Variants in ASGR2 observed in about 807,000 individuals in gnomAD.
ASGR2 encodes the protein C-type lectin domain family 4 member H2.
Under a neutral mutation model 32.3 loss-of-function variants are expected in ASGR2, and 34 were observed. That is an observed-to-expected ratio of 1.05 (90% CI 0.80 to 1.40). The LOEUF is 1.40. ASGR2 is among the 40% of genes most tolerant of loss of function. The pLI is 0.00. For synonymous variants in ASGR2, 143 were observed against 150.0 expected (o/e 0.95, Z 0.34); for missense variants, 385 against 386.4 (o/e 1.00, Z 0.03).
rs992442772 is a variant in ASGR2 at position 7,107,207 on chromosome 17, G to T, written c.496+24C>A. On this transcript the variant is annotated intron_variant, in intron 6 of 8. Transcript: ENST00000691900. This position sits in a 1 kb window ranked among gnomAD's most constrained non-coding sequence, Gnocchi z 5.0. ...CCAGCCGGAGGGGCAGGCACACTGG[G>T]CCTGGAGACGGCCCCACCCCTACCG... 14 of 1,614,058 alleles carry T rather than the reference G, an allele frequency of 8.7e-6. No homozygotes were observed. The highest frequency in any genetic ancestry group is 1.2e-5 in the Non-Finnish European group (14 of 1,180,040).
rs796687587 is a variant in ASGR2, at chr17:7,113,484, ACAC to A, written c.124+630_124+632del. ...ATACATACACTCACACAATACACAC[ACAC>A]AACACACACACAACATACACAACGT... On this transcript the variant is annotated intron_variant, in intron 2 of 8. Transcript: ENST00000691900. The surrounding 1 kb of genome is among the most constrained non-coding windows in gnomAD (Gnocchi z 5.1). Among the ~76,000 whole-genome samples, 6 of 151,118 alleles carry A rather than the reference ACAC, an allele frequency of 4.0e-5. No individual in the cohort carries two copies. The highest frequency in any genetic ancestry group is 1.2e-4 in the African/African-American group (5 of 41,124).
chr17:7,104,930 C>A (rs956428944), intron 7 of ASGR2, among the ~76,000 whole-genome samples: 1 of 150,548 alleles, frequency 6.6e-6, no homozygotes, highest in South Asian at 2.1e-4. Context: ...GAGCCAAGAT[C>A]GCGCCATTGC....
rs1350023182 is a variant in ASGR2, at chr17:7,114,206, C to T, written c.35G>A (p.Ser12Asn). Residue 12 changes from serine to asparagine, a missense_variant, in exon 2 of 9, where the codon AGC becomes AAC. Transcript: ENST00000691900. This position sits in a 1 kb window ranked among gnomAD's most constrained non-coding sequence, Gnocchi z 4.5. ...AKDFQDIQQL[S>N]SEENDHPFHQ... ...GAAAGGATGGTCATTTTCCTCCGAG[C>T]TCAGCTGCTGGATATCTTGAAAGTC... The T allele has an allele frequency of 1.9e-6, 3 of 1,614,192 alleles. No homozygotes were observed. The highest frequency in any genetic ancestry group is 1.7e-4 in the Middle Eastern group (1 of 6,056).
Position 7,114,339 on chromosome 17 carries a change from G to A in ASGR2, c.-70-29C>T. The A allele has an allele frequency of 2.7e-6, 4 of 1,508,532 alleles. No individual in the cohort carries two copies. The highest frequency in any genetic ancestry group is 3.5e-6 in the Non-Finnish European group (4 of 1,130,824). 93.4% of individuals were successfully genotyped at this position (1,508,532 alleles called of 1,614,324 possible). ...GGGCAGAGGTGCAGATTCACGTGGA[G>A]GTTGATGGTGGGATGGAACGCAGGG... On this transcript the variant is annotated intron_variant, in intron 1 of 8. Coordinates refer to ENST00000691900, the MANE Select transcript of ASGR2 (RefSeq NM_001201352.2). This position sits in a 1 kb window ranked among gnomAD's most constrained non-coding sequence, Gnocchi z 4.5.
In ASGR2 at chr17:7,114,086, G is replaced by C; in HGVS notation, c.124+31C>G. ...GAGCAATCATGAGCTGAGACAGAGG[G>C]GGAGCAAAGCCGCAGAAACTGCACA... On this transcript the variant is annotated intron_variant, in intron 2 of 8. Transcript: ENST00000691900. The surrounding 1 kb of genome is among the most constrained non-coding windows in gnomAD (Gnocchi z 4.5). 1 of 1,613,404 alleles carries C rather than the reference G, an allele frequency of 6.2e-7. No homozygotes were observed.
In ASGR2 at chr17:7,114,266, C is replaced by A; in HGVS notation, c.-26G>T. ...GATGGGGCCCGGGCTGGAGCTGGAG[C>A]TGGAGCTGGGCTGGGCTGGGCTGAG... is the stretch of plus-strand genomic sequence containing the variant. On this transcript the variant is annotated 5_prime_UTR_variant, in exon 2 of 9. Coordinates refer to ENST00000691900, the MANE Select transcript of ASGR2 (RefSeq NM_001201352.2). This position sits in a 1 kb window ranked among gnomAD's most constrained non-coding sequence, Gnocchi z 4.5. 1.3e-6 allele frequency: 2 copies of A among 1,585,488 alleles called. No homozygotes were observed. Among genetic ancestry groups the A allele is most frequent in the Non-Finnish European group, 1.7e-6 (2 of 1,162,050 alleles).
At position 7,107,725 on chromosome 17, in the gene ASGR2, ACACG is replaced by A. The variant is rs747986102; in HGVS notation, c.409+107_409+110del. ...CAGATACACATGCTTGCAGGCACAC[ACACG>A]CACGCACGCACACGTGCACACTACA... On this transcript the variant is annotated intron_variant, in intron 5 of 8. Transcript: ENST00000691900. This position sits in a 1 kb window ranked among gnomAD's most constrained non-coding sequence, Gnocchi z 5.0. 8.4e-5 allele frequency: 106 copies of A among 1,256,522 alleles called. No homozygotes were observed. The highest frequency in any genetic ancestry group is 3.7e-4 in the Middle Eastern group (2 of 5,354). 77.8% of individuals were successfully genotyped at this position (1,256,522 alleles called of 1,614,324 possible).
Position 7,101,718 on chromosome 17 carries a change from C to G in ASGR2, c.778G>C (p.Asp260His), listed in dbSNP as rs1395608182. Residue 260 changes from aspartate (D) to histidine (H), a missense_variant, in exon 9 of 9, where the codon GAT becomes CAT. Transcript: ENST00000691900. Reference protein sequence around the residue: ...NYKNWAVTQPDNWHGHELGGS... With the variant: ...NYKNWAVTQPHNWHGHELGGS... ...CCCAGCTCGTGCCCGTGCCAATTAT[C>G]TGGCTGAGTGACAGCCCAGTTCCTA... The G allele has an allele frequency of 1.9e-6, 3 of 1,614,028 alleles. No homozygotes were observed. Among genetic ancestry groups the G allele is most frequent in the Non-Finnish European group, 2.5e-6 (3 of 1,180,034 alleles).
chr17:7,113,994 G>A lies in ASGR2; in HGVS notation c.124+123C>T, dbSNP rs1915142432. 3 of 1,419,926 alleles carry A rather than the reference G, an allele frequency of 2.1e-6. No homozygotes were observed. The highest frequency in any genetic ancestry group is 2.9e-6 in the Non-Finnish European group (3 of 1,048,310). 88.0% of individuals were successfully genotyped at this position (1,419,926 alleles called of 1,614,324 possible). A position where few individuals can be genotyped will look rare whatever the true frequency, so the allele number is the denominator to read the frequency against. The stretch of plus-strand genomic sequence containing the variant: ...ACAGGAAGGTGAGGTGAGGGAACAA[G>A]CGGGGGTGTCGGGCCCTCCTCAGTC... On this transcript the variant is annotated intron_variant, in intron 2 of 8. Transcript: ENST00000691900. The surrounding 1 kb of genome is among the most constrained non-coding windows in gnomAD (Gnocchi z 5.1).
intron 2 of ASGR2, among the ~76,000 whole-genome samples, chr17:7,110,566 C>T (rs1597391027): frequency 6.6e-6 from 1 of 152,260 alleles, no homozygotes; most frequent in African/African-American, 2.4e-5. Flanking sequence ...GCTCTGAGAT[C>T]ATGCACCAGC....
chr17:7,106,156 T>C (rs1197035780), intron 7 of ASGR2, among the ~76,000 whole-genome samples: 1 of 152,096 alleles, frequency 6.6e-6, no homozygotes, highest in African/African-American at 2.4e-5. Flanking sequence ...GAGATTGCAA[T>C]GTACAGTCAA....
Position 7,108,859 on chromosome 17 carries a change from G to A in ASGR2, c.154C>T (p.Arg52Cys), listed in dbSNP as rs775565123. ...CTGAAGCAGACCATGGAGCAGAGAC[G>A]CTGTGCCAGGGGCTGGGCAGGAGGT... ...GPPPAQPLAQ[R>C]LCSMVCFSLL... Residue 52 changes from arginine to cysteine, a missense_variant, in exon 3 of 9, where the codon CGT (arginine) becomes TGT (cysteine). By Grantham distance (180) the Arg-to-Cys change is radical. Coordinates refer to ENST00000691900, the MANE Select transcript of ASGR2 (RefSeq NM_001201352.2). This position sits in a 1 kb window ranked among gnomAD's most constrained non-coding sequence, Gnocchi z 4.9. 6.4e-5 allele frequency: 103 copies of A among 1,603,282 alleles called. No homozygotes were observed. Among genetic ancestry groups the A allele is most frequent in the Non-Finnish European group, 8.2e-5 (96 of 1,175,382 alleles).
At chr17:7,115,119 C>A, upstream of ASGR2, 1 of 662,162 alleles carries the variant, frequency 1.5e-6, no homozygotes, top group African/African-American at 2.0e-5. This position sits in a 1 kb window ranked among gnomAD's most constrained non-coding sequence, Gnocchi z 4.2. Context: ...TACTCTTGCC[C>A]AATCCGGCAT....
rs1003916414 is a variant in ASGR2 at position 7,107,733 on chromosome 17, G to A, written c.409+103C>T. 14 of 814,512 alleles carry A rather than the reference G, an allele frequency of 1.7e-5. No homozygotes were observed. Among genetic ancestry groups the A allele is most frequent in the South Asian group, 4.6e-5 (2 of 43,398 alleles). 50.5% of individuals were successfully genotyped at this position (814,512 alleles called of 1,614,324 possible). A position where few individuals can be genotyped will look rare whatever the true frequency, so the allele number is the denominator to read the frequency against. ...CATGCTTGCAGGCACACACACGCAC[G>A]CACGCACACGTGCACACTACACACA... is the stretch of plus-strand genomic sequence containing the variant. On this transcript the variant is annotated intron_variant, in intron 5 of 8. Coordinates refer to ENST00000691900, the MANE Select transcript of ASGR2 (RefSeq NM_001201352.2). The surrounding 1 kb of genome is among the most constrained non-coding windows in gnomAD (Gnocchi z 5.0).
intron 7 of ASGR2, among the ~76,000 whole-genome samples, chr17:7,104,845 G>T (rs370021313): frequency 6.6e-6 from 1 of 151,068 alleles, no homozygotes; most frequent in African/African-American, 2.4e-5. Context: ...GCACGATGGC[G>T]GGTGCCTGTA....
At position 7,107,616 on chromosome 17, in the gene ASGR2, A is replaced by G; in HGVS notation, c.409+220T>C. Reference sequence around the variant, plus strand: ...CTCACACACACCACCACACATGCATACACACACAACACACACATATACACC... The same window carrying G: ...CTCACACACACCACCACACATGCATGCACACACAACACACACATATACACC... On this transcript the variant is annotated intron_variant, in intron 5 of 8. Coordinates refer to ENST00000691900, the MANE Select transcript of ASGR2 (RefSeq NM_001201352.2). The surrounding 1 kb of genome is among the most constrained non-coding windows in gnomAD (Gnocchi z 5.0). 1 of 670,494 alleles carries G rather than the reference A, an allele frequency of 1.5e-6. No individual in the cohort carries two copies. The highest frequency in any genetic ancestry group is 2.7e-5 in the East Asian group (1 of 36,422). The allele number at this position is 670,494 out of a possible 1,614,324, so 41.5% of individuals were successfully genotyped here.
chr17:7,106,730 C>T (rs1365842073), intron 7 of ASGR2, among the ~76,000 whole-genome samples: 2 of 151,846 alleles, frequency 1.3e-5, no homozygotes, highest in Admixed American at 6.6e-5. Context: ...GGTGAAACCC[C>T]GTCTCTACTA....
Position 7,101,456 on chromosome 17 carries a change from C to T in ASGR2, c.*119G>A, listed in dbSNP as rs559865245. On this transcript the variant is annotated 3_prime_UTR_variant, in exon 9 of 9. Coordinates refer to ENST00000691900, the MANE Select transcript of ASGR2 (RefSeq NM_001201352.2). ...GACTCTTAAACTACCTCCTTTCTCT[C>T]TTTGCTCAGCTCTTCCCCATACCCC... The T allele has an allele frequency of 2.2e-6, 3 of 1,361,638 alleles. No individual in the cohort carries two copies. The highest frequency in any genetic ancestry group is 2.9e-6 in the Non-Finnish European group (3 of 1,019,540). 84.3% of individuals were successfully genotyped at this position (1,361,638 alleles called of 1,614,324 possible). A position where few individuals can be genotyped will look rare whatever the true frequency, so the allele number is the denominator to read the frequency against.
Position 7,108,491 on chromosome 17 carries a change from A to G in ASGR2, c.308T>C (p.Leu103Pro), listed in dbSNP as rs781556188. 3.7e-6 allele frequency: 6 copies of G among 1,608,258 alleles called. No individual in the cohort carries two copies. In the Admixed American group the frequency reaches 8.5e-5, roughly 23 times the overall value. ...EAFSNFSSSTLTEVQAISTHG... is the reference protein window; with the variant it reads ...EAFSNFSSSTPTEVQAISTHG... ...GGTGCTGATTGCCTGGACCTCCGTCAGGGTGCTCGAGGAGAAGTTGCTGAA... is the reference window on the plus strand; with the variant it reads ...GGTGCTGATTGCCTGGACCTCCGTCGGGGTGCTCGAGGAGAAGTTGCTGAA... The change falls in exon 4 of 9, where the codon CTG becomes CCG. Residue 103 changes from leucine to proline, a missense_variant. Transcript: ENST00000691900. This position sits in a 1 kb window ranked among gnomAD's most constrained non-coding sequence, Gnocchi z 4.9.
Sources: allele counts gnomAD v4.1 joint callset (sites outside exome capture counted in the v4.1 genomes callset), GRCh38; gene constraint gnomAD v4.1.1; non-coding constraint Gnocchi (gnomAD v3.1); transcripts MANE v1.5; gene names NCBI Gene and HGNC (gene_info 2026-07-23, HGNC 2026-07-21).